The following ROBO2 variants were observed in gnomAD, a reference collection of about 807,000 sequenced individuals.
ROBO2 encodes the protein roundabout homolog 2.
ROBO2 carries 53 observed loss-of-function variants against 160.8 expected under a neutral mutation model. That is an observed-to-expected ratio of 0.33 (90% CI 0.26 to 0.41). The LOEUF (loss-of-function observed/expected upper bound fraction) is 0.41, where lower values mean the gene tolerates loss of function less well. Ranked by LOEUF, ROBO2 falls within the 10% of genes least tolerant of loss-of-function variation. The pLI is 1.00. For synonymous variants in ROBO2, 664 were observed against 611.7 expected (o/e 1.09, Z -1.26); for missense variants, 1,577 against 1,722.4 (o/e 0.92, Z 1.49).
chr3:77,558,203 T>C, intron 9 of ROBO2, 54 bp downstream of exon 10: 1 of 1,453,418 alleles, frequency 6.9e-7, no homozygotes, highest in Admixed American at 1.7e-5. Flanking sequence ...AGTACTGCTC[T>C]ATGGAAAAAT....
intron 2 of ROBO2, among the ~76,000 whole-genome samples, chr3:76,869,948 A>G (rs995902395): frequency 6.6e-6 from 1 of 152,080 alleles, no homozygotes; most frequent in Non-Finnish European, 1.5e-5. Context: ...CAGTTATGAC[A>G]CACCTAAGAC....
In ROBO2 at chr3:76,956,413, C is replaced by T. The variant is rs547745100; in HGVS notation, c.110-141601C>T. On this transcript the variant is annotated intron_variant, in intron 2 of 26. Coordinates refer to the ROBO2 transcript ENST00000487694. ...TCTACTAAAAATACAAAAAATTAGC[C>T]GGGTGTGGTGGCGGACACCTGTAGT... 8.6e-4 allele frequency among the ~76,000 whole-genome samples: 131 copies of T among 151,958 alleles called. 1 individual carries two copies. The highest frequency in any genetic ancestry group is 3.7e-3 in the South Asian group (18 of 4,808).
intron 1 of ROBO2, among the ~76,000 whole-genome samples, chr3:77,072,567 T>C (rs1310540256): frequency 6.6e-6 from 1 of 152,182 alleles, no homozygotes; most frequent in Non-Finnish European, 1.5e-5. Flanking sequence ...CTGTCAGGAC[T>C]ATGCTTAAAG....
At chr3:77,036,145 C>T (rs2063622358), upstream of ROBO2, among the ~76,000 whole-genome samples, 1 of 151,806 alleles carries the variant, frequency 6.6e-6, no homozygotes, top group African/African-American at 2.4e-5. Context: ...AAGATTGTGC[C>T]TTTCATTAAC....
chr3:76,416,656 C>T (rs2075769264), intron 2 of ROBO2, among the ~76,000 whole-genome samples: 2 of 151,932 alleles, frequency 1.3e-5, no homozygotes, highest in South Asian at 2.1e-4. Flanking sequence ...TTTTAATGTA[C>T]CGATTTATAG....
intron 2 of ROBO2, among the ~76,000 whole-genome samples, chr3:77,221,284 A>G (rs1331122178): frequency 6.6e-6 from 1 of 152,204 alleles, no homozygotes; most frequent in Non-Finnish European, 1.5e-5. Flanking sequence ...CCAAGTAGAT[A>G]GAAGGTGTTG....
At chr3:77,262,510 T>G (rs896018290) in intron 2 of ROBO2, among the ~76,000 whole-genome samples, 1 of 152,138 alleles carries the variant, frequency 6.6e-6, no homozygotes, top group Non-Finnish European at 1.5e-5. Flanking sequence ...GGGCCTTAGC[T>G]ATACATCCTT....
chr3:75,923,289 A>G (rs1382162650), intron 1 of ROBO2, among the ~76,000 whole-genome samples: 1 of 152,202 alleles, frequency 6.6e-6, no homozygotes, highest in East Asian at 1.9e-4. Context: ...GATGAGATGA[A>G]CTTGCTTCCC....
intron 2 of ROBO2, among the ~76,000 whole-genome samples, chr3:76,399,501 A>C (rs2077690173): frequency 6.6e-6 from 1 of 151,790 alleles, no homozygotes; most frequent in Non-Finnish European, 1.5e-5. Flanking sequence ...AGTACCCCTA[A>C]GAGCTTTCAA....
At chr3:77,049,217 A>T (rs1037346790) in intron 1 of ROBO2, among the ~76,000 whole-genome samples, 6 of 152,086 alleles carry the variant, frequency 3.9e-5, no homozygotes, top group African/African-American at 7.2e-5. Context: ...GTGGTCTCAG[A>T]TACTTGGGAG....
chr3:76,764,604 A>G (rs1241818203), intron 2 of ROBO2, among the ~76,000 whole-genome samples: 6 of 151,856 alleles, frequency 4.0e-5, no homozygotes, highest in South Asian at 2.1e-4. Flanking sequence ...ATCTTAGGCT[A>G]TAGCTTTATC....
intron 2 of ROBO2, among the ~76,000 whole-genome samples, chr3:76,955,028 C>T (rs1264146157): frequency 6.6e-6 from 1 of 152,154 alleles, no homozygotes; most frequent in Non-Finnish European, 1.5e-5. Flanking sequence ...ACTCCCTATC[C>T]TCCACCACCT....
chr3:77,200,300 TA>T lies in ROBO2; in HGVS notation c.388+101961del, dbSNP rs1674921076. Among the ~76,000 whole-genome samples the T allele has an allele frequency of 6.2e-5, 5 of 81,006 alleles. No homozygotes were observed. In the East Asian group the frequency reaches 1.0e-3, roughly 17 times the overall value. 53.1% of individuals were successfully genotyped at this position (81,006 alleles called of 152,430 possible). A position where few individuals can be genotyped will look rare whatever the true frequency, so the allele number is the denominator to read the frequency against. On this transcript the variant is annotated intron_variant, in intron 2 of 25. Transcript: ENST00000461745. Reference sequence around the variant, plus strand: ...ATATATATATATATATATATATATATATATATATATATATATATATATTTTA... The same window carrying T: ...ATATATATATATATATATATATATATTATATATATATATATATATATTTTA...
chr3:76,135,356 A>G (rs2071391220), intron 2 of ROBO2, among the ~76,000 whole-genome samples: 1 of 152,082 alleles, frequency 6.6e-6, no homozygotes, highest in South Asian at 2.1e-4. Context: ...CAGATCAGTA[A>G]CTTATCCAAG....
intron 2 of ROBO2, among the ~76,000 whole-genome samples, chr3:76,388,090 T>C (rs1477567485): frequency 6.6e-6 from 1 of 152,134 alleles, no homozygotes; most frequent in African/African-American, 2.4e-5. Flanking sequence ...GTTCCATGCT[T>C]CCCTTTTGTA....
intron 2 of ROBO2, among the ~76,000 whole-genome samples, chr3:77,023,295 C>T (rs1374494394): frequency 6.6e-6 from 1 of 152,154 alleles, no homozygotes; most frequent in Non-Finnish European, 1.5e-5. Context: ...GTGAGGCCTC[C>T]CCAGCCATGT....
At chr3:77,486,890 C>A (rs1487395064) in intron 4 of ROBO2, among the ~76,000 whole-genome samples, 1 of 152,012 alleles carries the variant, frequency 6.6e-6, no homozygotes, top group African/African-American at 2.4e-5. Flanking sequence ...TCGCTGGAAG[C>A]TTTTTTCAAA....
intron 1 of ROBO2, among the ~76,000 whole-genome samples, chr3:77,059,717 A>T (rs147213623): frequency 0.016 from 2,413 of 152,206 alleles, 31 homozygotes; most frequent in Middle Eastern, 0.034. Context: ...TTTATGAGAG[A>T]TTGACCAAAG....
intron 2 of ROBO2, among the ~76,000 whole-genome samples, chr3:76,929,614 G>T (rs11914968): frequency 6.6e-6 from 1 of 152,018 alleles, no homozygotes; most frequent in Admixed American, 6.5e-5. Flanking sequence ...CCCTTAAAAC[G>T]TAAGGCAGAA....
Sources: gnomAD v4.1 joint callset for allele counts (sites outside exome capture counted in the v4.1 genomes callset) on GRCh38, gnomAD v4.1.1 for gene constraint, MANE v1.5 for transcripts, NCBI Gene and HGNC (gene_info 2026-07-23, HGNC 2026-07-21) for gene names.